KCTD3: variants seen among roughly 807,000 people sequenced by gnomAD.
KCTD3 encodes BTB/POZ domain-containing protein KCTD3.
Under a neutral mutation model 85.8 loss-of-function variants are expected in KCTD3, and 41 were observed. That is an observed-to-expected ratio of 0.48 (90% confidence interval 0.37 to 0.62). The LOEUF is 0.62. Ranked by LOEUF, KCTD3 falls within the 20% of genes least tolerant of loss-of-function variation. The pLI is 0.00. For missense variants in KCTD3, 724 were observed against 989.9 expected (o/e 0.73, Z 3.60); for synonymous variants, 338 against 345.4 (o/e 0.98, Z 0.24).
At chr1:215,577,839 T>C in intron 5 of KCTD3, 111 bp downstream of exon 5, 1 of 1,302,162 alleles carries the variant, frequency 7.7e-7, no homozygotes, top group East Asian at 2.3e-5. Context: ...TGTTCAGTGC[T>C]TAGTTTTTGT....
chr1:215,569,481 G>A (rs1341290577), intron 1 of KCTD3, among the ~76,000 whole-genome samples: 1 of 152,064 alleles, frequency 6.6e-6, no homozygotes, highest in Non-Finnish European at 1.5e-5. Context: ...TAAAAATTAA[G>A]CAGTATTGTT....
At chr1:215,604,035 C>A in intron 12 of KCTD3, 97 bp from the exon 13 acceptor site, 1 of 897,880 alleles carries the variant, frequency 1.1e-6, no homozygotes. Flanking sequence ...AACAGTGAAT[C>A]CAGCTCTGCC....
Position 215,620,568 on chromosome 1 carries a change from TCTC to T in KCTD3, c.2402_2404del (p.Pro801del). On this transcript the variant is annotated inframe_deletion, in exon 18 of 18. Coordinates refer to ENST00000259154, the MANE Select transcript of KCTD3 (RefSeq NM_016121.5). ...CCCATCTCCTACAAAGACTACTCCA[TCTC>T]CTCGGCATAAAAAAAGTGATTCTTC... 3 of 1,610,594 alleles carry T rather than the reference TCTC, an allele frequency of 1.9e-6. No homozygotes were observed. Among genetic ancestry groups the T allele is most frequent in the Non-Finnish European group, 2.5e-6 (3 of 1,178,760 alleles).
chr1:215,610,397 A>G (rs1475698011), intron 14 of KCTD3, among the ~76,000 whole-genome samples: 1 of 151,950 alleles, frequency 6.6e-6, no homozygotes, highest in Middle Eastern at 3.2e-3. Context: ...TTTGTATTCC[A>G]AGGAAAGGAG....
intron 1 of KCTD3, among the ~76,000 whole-genome samples, chr1:215,568,619 G>C (rs943303495): frequency 6.6e-6 from 1 of 151,508 alleles, no homozygotes; most frequent in African/African-American, 2.4e-5. Context: ...TTTGAAAGAA[G>C]GATTAGTTGA....
At chr1:215,611,714 A>G in intron 14 of KCTD3, 111 bp from the exon 15 acceptor site, 1 of 647,450 alleles carries the variant, frequency 1.5e-6, no homozygotes, top group Non-Finnish European at 2.7e-6. Flanking sequence ...GTGATACCAT[A>G]TTGGTACGTA....
At chr1:215,598,320 A>G (rs1157632143) in intron 10 of KCTD3, among the ~76,000 whole-genome samples, 1 of 152,158 alleles carries the variant, frequency 6.6e-6, no homozygotes, top group Non-Finnish European at 1.5e-5. Context: ...GCAAGAGGAA[A>G]CCATTAGAAA....
At chr1:215,609,775 T>C (rs551778877) in intron 14 of KCTD3, among the ~76,000 whole-genome samples, 1 of 152,100 alleles carries the variant, frequency 6.6e-6, no homozygotes, top group East Asian at 1.9e-4. Flanking sequence ...GAACTTATTT[T>C]GAAAACAAAG....
intron 9 of KCTD3, among the ~76,000 whole-genome samples, chr1:215,591,111 G>A (rs1276029749): frequency 6.6e-6 from 1 of 152,120 alleles, no homozygotes; most frequent in African/African-American, 2.4e-5. Context: ...CTGAATGCCA[G>A]AGGGGCTCAG....
intron 1 of KCTD3, among the ~76,000 whole-genome samples, chr1:215,572,442 G>A (rs141329923): frequency 1.3e-5 from 2 of 152,272 alleles, no homozygotes; most frequent in African/African-American, 4.8e-5. Flanking sequence ...TGCCTGGATG[G>A]ACTTGCAAAG....
At chr1:215,613,912 A>T (rs1571900498) in intron 15 of KCTD3, among the ~76,000 whole-genome samples, 1 of 149,014 alleles carries the variant, frequency 6.7e-6, no homozygotes, top group Admixed American at 6.7e-5. Context: ...CTTGTAGAAT[A>T]GTTTAAAGTT....
chr1:215,618,987 TG>T lies in KCTD3; in HGVS notation c.1665del (p.Leu555PhefsTer15). The part of the protein sequence containing the change: ...SRMGSRPRRY[L>X]FTGHTNGSIQ... ...ATGGGCTCAAGACCAAGGCGCTACT[TG>T]TTCACAGGCCATACAAATGGCAGTA... is the stretch of plus-strand genomic sequence containing the variant. On this transcript the variant is annotated frameshift_variant, in exon 16 of 18. Transcript: ENST00000259154. LOFTEE classifies it high-confidence loss of function. The T allele has an allele frequency of 6.2e-7, 1 of 1,614,014 alleles. No individual in the cohort carries two copies. The highest frequency in any genetic ancestry group is 8.5e-7 in the Non-Finnish European group (1 of 1,179,934).
In KCTD3 at chr1:215,592,321, T is replaced by C. The variant is rs1660256528; in HGVS notation, c.818-3035T>C. Among the ~76,000 whole-genome samples, 3 of 152,202 alleles carry C rather than the reference T, an allele frequency of 2.0e-5. No homozygotes were observed. The South Asian group carries it at 6.2e-4, about 31-fold the overall frequency. ...TCTGTCTCTCAGGTCCTCTGCTGCC[T>C]GTTGTCCAATACCTAAAAACAGTTG... On this transcript the variant is annotated intron_variant, in intron 9 of 17. Coordinates refer to ENST00000259154, the MANE Select transcript of KCTD3 (RefSeq NM_016121.5).
At position 215,573,847 on chromosome 1, in the gene KCTD3, T is replaced by C. The variant is rs113347831; in HGVS notation, c.137+8T>C. 4 of 1,482,242 alleles carry C rather than the reference T, an allele frequency of 2.7e-6. No individual in the cohort carries two copies. In the African/African-American group the frequency reaches 4.2e-5, roughly 15 times the overall value. The allele number at this position is 1,482,242 out of a possible 1,614,324, so 91.8% of individuals were successfully genotyped here. ...AGATTCTTTTTTTTCCAGGTATGTC[T>C]TATAATTCTTTAGTGTATATTTTAA... On this transcript the variant is annotated splice_region_variant and intron_variant, in intron 2 of 17. Transcript: ENST00000259154.
At position 215,620,748 on chromosome 1, in the gene KCTD3, CAG is replaced by C; in HGVS notation, c.*132_*133del. The C allele has an allele frequency of 1.6e-6, 1 of 630,616 alleles. No homozygotes were observed. Among genetic ancestry groups the C allele is most frequent in the Non-Finnish European group, 2.6e-6 (1 of 378,218 alleles). The allele number at this position is 630,616 out of a possible 1,614,324, so 39.1% of individuals were successfully genotyped here. Reference sequence around the variant, plus strand: ...TGGACTTCATTTAGTATCTTTTTAACAGAATTACTTGGAATAATGAGATACAA... The same window carrying C: ...TGGACTTCATTTAGTATCTTTTTAACAATTACTTGGAATAATGAGATACAA... On this transcript the variant is annotated 3_prime_UTR_variant, in exon 18 of 18. Transcript: ENST00000259154.
At position 215,619,152 on chromosome 1, in the gene KCTD3, G is replaced by C. The variant is rs773377223; in HGVS notation, c.1748-1G>C. ...TTTTAATGACTATTTGTTCTCCTAA[G>C]ATGTAGGTGGTCCAACCGAAGAAGA... is the stretch of plus-strand genomic sequence containing the variant. On this transcript the variant is annotated splice_acceptor_variant, in intron 16 of 17. Transcript: ENST00000259154. LOFTEE classifies it high-confidence loss of function. 7 of 1,613,460 alleles carry C rather than the reference G, an allele frequency of 4.3e-6. No individual in the cohort carries two copies. The highest frequency in any genetic ancestry group is 1.3e-5 in the African/African-American group (1 of 75,038).
At chr1:215,619,374 C>A in intron 17 of KCTD3, 83 bp downstream of exon 17, 3 of 1,159,164 alleles carry the variant, frequency 2.6e-6, no homozygotes, top group Non-Finnish European at 3.7e-6. Context: ...CATAGTTGTT[C>A]TAGAAAGCCA....
intron 7 of KCTD3, 72 bp downstream of exon 7, chr1:215,579,209 AC>A (rs1249398645): frequency 3.0e-6 from 4 of 1,330,716 alleles, no homozygotes. Flanking sequence ...TTGAGTAATT[AC>A]TTTTAAAGAT....
At chr1:215,618,572 C>T (rs1467787405) in intron 15 of KCTD3, 11 of 214,544 alleles carry the variant, frequency 5.1e-5, no homozygotes, top group East Asian at 3.8e-4. Context: ...TTTCCTGATC[C>T]GTCAATGTGG....
Sources: allele counts gnomAD v4.1 joint callset (sites outside exome capture counted in the v4.1 genomes callset), GRCh38; gene constraint gnomAD v4.1.1; transcripts MANE v1.5; gene names NCBI Gene and HGNC (gene_info 2026-07-23, HGNC 2026-07-21).